Variants in ABTB3 observed in about 807,000 individuals in gnomAD.
ABTB3 encodes ankyrin repeat and BTB domain containing 3.
At chr12:107,629,433 A>G in the ABTB3 span, among the ~76,000 whole-genome samples, 729 of 152,256 alleles carry the variant, frequency 4.8e-3, 5 homozygotes, top group Non-Finnish European at 8.4e-3. Context: ...AAAAAAAAAG[A>G]ATTTTGCTTC....
the ABTB3 span, among the ~76,000 whole-genome samples, chr12:107,481,388 GC>G: frequency 6.6e-6 from 1 of 152,252 alleles, no homozygotes; most frequent in African/African-American, 2.4e-5. Context: ...CTGCCCAGGG[GC>G]TCATTTGGCC....
chr12:107,507,991 G>T, the ABTB3 span, among the ~76,000 whole-genome samples: 1 of 152,168 alleles, frequency 6.6e-6, no homozygotes, highest in Non-Finnish European at 1.5e-5. Context: ...TTCTCAAGGG[G>T]AAGATCTATG....
the ABTB3 span, among the ~76,000 whole-genome samples, chr12:107,559,737 A>C: frequency 2.0e-5 from 3 of 152,200 alleles, no homozygotes; most frequent in African/African-American, 7.2e-5. Flanking sequence ...AACCCTCTAC[A>C]GGTATACAGT....
At chr12:107,483,672 G>C in the ABTB3 span, among the ~76,000 whole-genome samples, 1 of 152,098 alleles carries the variant, frequency 6.6e-6, no homozygotes, top group Non-Finnish European at 1.5e-5. Context: ...ACATTAGCTA[G>C]GTGGTCCATG....
At chr12:107,382,189 C>A in the ABTB3 span, among the ~76,000 whole-genome samples, 51 of 152,120 alleles carry the variant, frequency 3.4e-4, 1 homozygote, top group Admixed American at 2.2e-3. Context: ...TCCATAAGGG[C>A]CCCCTGGAGG....
At chr12:107,549,587 A>C in the ABTB3 span, among the ~76,000 whole-genome samples, 1 of 152,302 alleles carries the variant, frequency 6.6e-6, no homozygotes, top group South Asian at 2.1e-4. Flanking sequence ...CAGGAAGAAA[A>C]CCTCTGGGAG....
chr12:107,427,939 C>G, the ABTB3 span, among the ~76,000 whole-genome samples: 3 of 152,132 alleles, frequency 2.0e-5, no homozygotes, highest in African/African-American at 7.2e-5. Context: ...TGGTGTATTC[C>G]CAGCATGTTA....
the ABTB3 span, among the ~76,000 whole-genome samples, chr12:107,462,158 G>A: frequency 6.6e-6 from 1 of 152,110 alleles, no homozygotes; most frequent in Non-Finnish European, 1.5e-5. Context: ...CCTCATTTTT[G>A]TACTGTTTTA....
At chr12:107,520,095 C>G in the ABTB3 span, 4 of 357,776 alleles carry the variant, frequency 1.1e-5, no homozygotes, top group Non-Finnish European at 1.6e-5. Flanking sequence ...GACTATTCCC[C>G]CAGGGCACTG....
chr12:107,566,363 G>T, the ABTB3 span, among the ~76,000 whole-genome samples: 1,485 of 151,914 alleles, frequency 9.8e-3, 29 homozygotes, highest in African/African-American at 0.034. Context: ...TTGGAGCTTT[G>T]GTGCAACCTG....
the ABTB3 span, chr12:107,657,416 G>A: frequency 9.4e-7 from 1 of 1,061,934 alleles, no homozygotes; most frequent in Non-Finnish European, 1.4e-6. Context: ...GTCTTCCTTA[G>A]CAGGTGTGTG....
chr12:107,470,310 A>C, the ABTB3 span, among the ~76,000 whole-genome samples: 8 of 152,050 alleles, frequency 5.3e-5, no homozygotes, highest in Admixed American at 2.6e-4. Flanking sequence ...AAGTACTAGG[A>C]TTATAGCGTG....
At chr12:107,369,103 T>C in the ABTB3 span, among the ~76,000 whole-genome samples, 1 of 152,232 alleles carries the variant, frequency 6.6e-6, no homozygotes, top group Non-Finnish European at 1.5e-5. Context: ...TGTAATCAAA[T>C]CTACCAACTT....
the ABTB3 span, among the ~76,000 whole-genome samples, chr12:107,552,985 C>A: frequency 3.3e-5 from 5 of 152,190 alleles, no homozygotes; most frequent in African/African-American, 9.6e-5. Context: ...AGCCATGTTG[C>A]CGAATCAACT....
chr12:107,615,171 G>A, the ABTB3 span: 8 of 1,601,636 alleles, frequency 5.0e-6, no homozygotes, highest in East Asian at 4.5e-5. Flanking sequence ...AGGTATTAAC[G>A]TATTTCCCTA....
At chr12:107,590,787 G>A in the ABTB3 span, among the ~76,000 whole-genome samples, 1 of 152,194 alleles carries the variant, frequency 6.6e-6, no homozygotes, top group Admixed American at 6.5e-5. Context: ...AGTGTTGAGG[G>A]TATGTAGTTT....
At chr12:107,637,414 T>C in the ABTB3 span, among the ~76,000 whole-genome samples, 1 of 152,020 alleles carries the variant, frequency 6.6e-6, no homozygotes, top group Non-Finnish European at 1.5e-5. Context: ...AAAAAAATGT[T>C]TTTAAGTGCC....
the ABTB3 span, among the ~76,000 whole-genome samples, chr12:107,396,236 T>C: frequency 1.3e-5 from 2 of 152,232 alleles, no homozygotes; most frequent in African/African-American, 4.8e-5. Context: ...GTACTGTAAG[T>C]GAATGCATAC....
chr12:107,482,566 C>A, the ABTB3 span, among the ~76,000 whole-genome samples: 20 of 152,274 alleles, frequency 1.3e-4, no homozygotes, highest in African/African-American at 4.8e-4. Flanking sequence ...TTACTGCCCT[C>A]TTCCCACCCT....
Sources: gnomAD v4.1 joint callset for allele counts (sites outside exome capture counted in the v4.1 genomes callset) on GRCh38, gnomAD v4.1.1 for gene constraint, MANE v1.5 for transcripts, NCBI Gene and HGNC (gene_info 2026-07-23, HGNC 2026-07-21) for gene names.